Variants in TRABD2B observed in about 807,000 individuals in gnomAD.
TRABD2B encodes the protein TraB domain containing 2B, also known as metalloprotease TIKI2.
Under a neutral mutation model 40.1 loss-of-function variants are expected in TRABD2B, and 14 were observed. The ratio of observed to expected loss-of-function variants is 0.35; its 90% CI spans 0.23 to 0.55. The LOEUF is 0.55. Ranked by LOEUF, TRABD2B falls within the 20% of genes least tolerant of loss-of-function variation. The probability of loss-of-function intolerance (pLI) is 0.90; values close to 1 mark genes in which losing one functional copy is unlikely to be tolerated. For synonymous variants in TRABD2B, 263 were observed against 277.0 expected (o/e 0.95, Z 0.50); for missense variants, 541 against 648.6 (o/e 0.83, Z 1.80).
At position 47,763,709 on chromosome 1, in the gene TRABD2B, C is replaced by T. The variant is rs1463414325; in HGVS notation, c.*2193G>A. On this transcript the variant is annotated 3_prime_UTR_variant, in exon 7 of 7. Coordinates refer to ENST00000606738, the MANE Select transcript of TRABD2B (RefSeq NM_001194986.2). Reference sequence around the variant, plus strand: ...ATCTTTAATTAACCTCAAGCTCCATCTCAATACGTCTCACGCCATACTCTG... The same window carrying T: ...ATCTTTAATTAACCTCAAGCTCCATTTCAATACGTCTCACGCCATACTCTG... 6.6e-6 allele frequency: 1 copy of T among 152,286 alleles called. No homozygotes were observed. Among genetic ancestry groups the T allele is most frequent in the Admixed American group, 6.5e-5 (1 of 15,286 alleles). The allele number at this position is 152,286 out of a possible 1,614,324, so 9.4% of individuals were successfully genotyped here.
At chr1:47,780,008 G>C (rs1349324656) in intron 4 of TRABD2B, among the ~76,000 whole-genome samples, 1 of 152,120 alleles carries the variant, frequency 6.6e-6, no homozygotes, top group African/African-American at 2.4e-5. Flanking sequence ...CACCAGCCTC[G>C]CACACCTCTG....
chr1:47,801,647 G>A, intron 2 of TRABD2B, 28 bp from the exon 3 acceptor site: 1 of 1,532,862 alleles, frequency 6.5e-7, no homozygotes, highest in Non-Finnish European at 8.7e-7. Context: ...AGAGGAATGA[G>A]GGCTGTGCTC....
chr1:47,766,117 G>A lies in TRABD2B; in HGVS notation c.1350-11C>T. 1.4e-6 allele frequency: 1 copy of A among 701,744 alleles called. No homozygotes were observed. Among genetic ancestry groups the A allele is most frequent in the Non-Finnish European group, 2.6e-6 (1 of 384,630 alleles). 43.5% of individuals were successfully genotyped at this position (701,744 alleles called of 1,614,324 possible). Reference sequence around the variant, plus strand: ...GGTGAGGCGGTGGTGCTGGAAAGGAGGAAGCACATGGCAGAGTCACCATCG... The same window carrying A: ...GGTGAGGCGGTGGTGCTGGAAAGGAAGAAGCACATGGCAGAGTCACCATCG... On this transcript the variant is annotated splice_polypyrimidine_tract_variant and intron_variant, in intron 6 of 6. Coordinates refer to ENST00000606738, the MANE Select transcript of TRABD2B (RefSeq NM_001194986.2).
At chr1:47,931,614 C>T (rs911291544) in intron 2 of TRABD2B, among the ~76,000 whole-genome samples, 1 of 152,116 alleles carries the variant, frequency 6.6e-6, no homozygotes, top group African/African-American at 2.4e-5. Flanking sequence ...CTGGAGACAC[C>T]ACGTGGGGAG....
At chr1:47,895,889 C>T (rs1196781677) in intron 2 of TRABD2B, among the ~76,000 whole-genome samples, 2 of 152,226 alleles carry the variant, frequency 1.3e-5, no homozygotes, top group Admixed American at 1.3e-4. Flanking sequence ...TGTTTGCTTT[C>T]CCCCAGGCCT....
rs1644266797 is a variant in TRABD2B at position 47,763,544 on chromosome 1, G to A, written c.*2358C>T. On this transcript the variant is annotated 3_prime_UTR_variant, in exon 7 of 7. Coordinates refer to ENST00000606738, the MANE Select transcript of TRABD2B (RefSeq NM_001194986.2). ...GAGTTCCTCTGGGCCAAGGAGAGTG[G>A]TTAGATTCAGCTCTAATACAGAGCC... 1 of 152,186 alleles carries A rather than the reference G, an allele frequency of 6.6e-6. No homozygotes were observed. Among genetic ancestry groups the A allele is most frequent in the South Asian group, 2.1e-4 (1 of 4,826 alleles). The allele number at this position is 152,186 out of a possible 1,614,324, so 9.4% of individuals were successfully genotyped here.
Position 47,761,366 on chromosome 1 carries a change from G to C in TRABD2B, c.*4536C>G, listed in dbSNP as rs1398717068. ...AGGGAGTGGGGCAGAGCGGGAAGGA[G>C]CTCTGGGCTGGGCTGCAGGCCTGGG... On this transcript the variant is annotated 3_prime_UTR_variant, in exon 7 of 7. Transcript: ENST00000606738. 1 of 152,432 alleles carries C rather than the reference G, an allele frequency of 6.6e-6. No individual in the cohort carries two copies. Among genetic ancestry groups the C allele is most frequent in the Non-Finnish European group, 1.5e-5 (1 of 68,250 alleles). 9.4% of individuals were successfully genotyped at this position (152,432 alleles called of 1,614,324 possible). A position where few individuals can be genotyped will look rare whatever the true frequency, so the allele number is the denominator to read the frequency against.
chr1:47,804,763 A>G (rs1450212531), intron 2 of TRABD2B, among the ~76,000 whole-genome samples: 1 of 152,158 alleles, frequency 6.6e-6, no homozygotes, highest in Non-Finnish European at 1.5e-5. Flanking sequence ...AGCTTCCCAG[A>G]TTGGAGCTGG....
intron 2 of TRABD2B, among the ~76,000 whole-genome samples, chr1:47,824,994 C>T (rs1381863570): frequency 1.3e-5 from 2 of 152,192 alleles, no homozygotes; most frequent in East Asian, 1.9e-4. Context: ...GTCCCTGCGA[C>T]GAGGATGAAC....
Position 47,794,608 on chromosome 1 carries a change from G to A in TRABD2B, c.966C>T (p.Ile322=). The A allele has an allele frequency of 1.3e-6, 2 of 1,533,890 alleles. No individual in the cohort carries two copies. Among genetic ancestry groups the A allele is most frequent in the Non-Finnish European group, 1.7e-6 (2 of 1,145,138 alleles). The part of the protein sequence containing the change: ...MALLRENEDK[I]CFFAFGAGHF... ...AACCTGCTCCGAAGGCAAAGAAGCA[G>A]ATCTTGTCCTCGTTCTCCCGTAGAA... The change falls in exon 4 of 7, where the codon ATC becomes ATT. Residue 322 remains isoleucine, a synonymous_variant. Coordinates refer to ENST00000606738, the MANE Select transcript of TRABD2B (RefSeq NM_001194986.2).
intron 2 of TRABD2B, among the ~76,000 whole-genome samples, chr1:47,858,204 CTTTATTTTATTTTATTTTATTTTAT>C (rs201856478): frequency 0.035 from 4,675 of 135,304 alleles, 188 homozygotes; most frequent in East Asian, 0.14. Flanking sequence ...CTTTATTTTA[CTTTATTTTATTTTATTTTATTTTAT>C]TTTATTTTAT....
intron 4 of TRABD2B, among the ~76,000 whole-genome samples, chr1:47,792,473 T>A (rs577219715): frequency 1.1e-4 from 16 of 152,168 alleles, no homozygotes; most frequent in Admixed American, 9.8e-4. Flanking sequence ...CCAGTGGGCA[T>A]GGACAGAATG....
chr1:47,848,832 G>A (rs950572973), intron 2 of TRABD2B, among the ~76,000 whole-genome samples: 1 of 152,194 alleles, frequency 6.6e-6, no homozygotes, highest in African/African-American at 2.4e-5. Flanking sequence ...TTGACCATGT[G>A]TCCCCAGGAG....
chr1:47,839,284 C>A (rs756707714), intron 2 of TRABD2B, among the ~76,000 whole-genome samples: 2 of 152,064 alleles, frequency 1.3e-5, no homozygotes, highest in Non-Finnish European at 2.9e-5. Flanking sequence ...AGAGTGGGCA[C>A]GGGGACATAT....
chr1:47,941,382 A>G (rs1645185925), intron 2 of TRABD2B, among the ~76,000 whole-genome samples: 1 of 152,168 alleles, frequency 6.6e-6, no homozygotes, highest in Non-Finnish European at 1.5e-5. Context: ...ATATACACAC[A>G]AACACACTTG....
At chr1:47,789,154 T>C (rs1476246254) in intron 4 of TRABD2B, among the ~76,000 whole-genome samples, 1 of 152,216 alleles carries the variant, frequency 6.6e-6, no homozygotes, top group Non-Finnish European at 1.5e-5. Context: ...GTATGTGCCC[T>C]GTCCTGGAGT....
At chr1:47,810,724 AGTAGCTGCAGGGG>A (rs1365799904) in intron 2 of TRABD2B, among the ~76,000 whole-genome samples, 1 of 152,200 alleles carries the variant, frequency 6.6e-6, no homozygotes, top group African/African-American at 2.4e-5. Flanking sequence ...GGCAGCAGGG[AGTAGCTGCAGGGG>A]GAAGCTTACC....
chr1:47,768,233 G>T (rs779556170), intron 6 of TRABD2B, among the ~76,000 whole-genome samples: 14 of 152,154 alleles, frequency 9.2e-5, no homozygotes, highest in Non-Finnish European at 1.8e-4. Context: ...TCTTTAGAGA[G>T]ACTCCAAGGA....
intron 2 of TRABD2B, among the ~76,000 whole-genome samples, chr1:47,960,532 T>C (rs2148403561): frequency 6.6e-6 from 1 of 152,282 alleles, no homozygotes; most frequent in Middle Eastern, 3.4e-3. Context: ...GGATACAAAA[T>C]CAATGTGCAA....
Sources: gnomAD v4.1 joint callset for allele counts (sites outside exome capture counted in the v4.1 genomes callset) on GRCh38, gnomAD v4.1.1 for gene constraint, MANE v1.5 for transcripts, NCBI Gene and HGNC (gene_info 2026-07-23, HGNC 2026-07-21) for gene names.